LNPEP: variants seen among roughly 807,000 people sequenced by gnomAD.
LNPEP encodes the protein leucyl and cystinyl aminopeptidase.
A neutral mutation model predicts 120.6 loss-of-function variants in LNPEP; 64 were observed. The ratio of observed to expected loss-of-function variants is 0.53; its 90% CI spans 0.43 to 0.65. The LOEUF is 0.65. Among genes scored for constraint, LNPEP ranks in the 30% least tolerant of loss-of-function variants. LNPEP has a pLI of 0.00. For missense variants in LNPEP, 1,057 were observed against 1,200.0 expected (o/e 0.88, Z 1.76); for synonymous variants, 435 against 425.4 (o/e 1.02, Z -0.28).
intron 1 of LNPEP, among the ~76,000 whole-genome samples, chr5:96,940,813 G>A (rs1375293761): frequency 6.6e-6 from 1 of 152,188 alleles, no homozygotes; most frequent in African/African-American, 2.4e-5. Flanking sequence ...GTGCAGCTAT[G>A]TTTTGTCAAT....
At chr5:97,004,770 C>G (rs1231424301) in intron 9 of LNPEP, among the ~76,000 whole-genome samples, 1 of 152,170 alleles carries the variant, frequency 6.6e-6, no homozygotes, top group Non-Finnish European at 1.5e-5. Flanking sequence ...TCTGAATTCT[C>G]TTTGAGAACT....
chr5:96,939,767 T>G (rs1488991131), intron 1 of LNPEP, among the ~76,000 whole-genome samples: 2 of 152,134 alleles, frequency 1.3e-5, no homozygotes, highest in Non-Finnish European at 2.9e-5. Flanking sequence ...AAATGGGAAG[T>G]CTGGGCAACA....
At chr5:96,954,779 T>G (rs1275940981) in intron 1 of LNPEP, among the ~76,000 whole-genome samples, 1 of 74,416 alleles carries the variant, frequency 1.3e-5, no homozygotes, top group South Asian at 4.4e-4. Context: ...TATATTTTTT[T>G]TTTTTTTTTT....
chr5:97,022,044 G>C (rs1178272284), intron 13 of LNPEP, among the ~76,000 whole-genome samples: 1 of 142,424 alleles, frequency 7.0e-6, no homozygotes, highest in Non-Finnish European at 1.5e-5. Flanking sequence ...TGTTTCTCCT[G>C]CCTCAGCCTC....
At position 97,028,724 on chromosome 5, in the gene LNPEP, G is replaced by T. The variant is rs199519139; in HGVS notation, c.*191G>T. ...CTGAAGTGTCTTTGGGCAGTATGTA[G>T]TTATTTATTACAAAATTATATTCAC... On this transcript the variant is annotated 3_prime_UTR_variant, in exon 18 of 18. Coordinates refer to ENST00000231368, the MANE Select transcript of LNPEP (RefSeq NM_005575.3). The T allele has an allele frequency of 4.2e-5, 21 of 495,672 alleles. No individual in the cohort carries two copies. In the East Asian group the frequency reaches 7.7e-4, roughly 18 times the overall value. 30.7% of individuals were successfully genotyped at this position (495,672 alleles called of 1,614,324 possible).
At chr5:97,006,884 C>G (rs1790799560) in intron 11 of LNPEP, among the ~76,000 whole-genome samples, 1 of 152,122 alleles carries the variant, frequency 6.6e-6, no homozygotes, top group African/African-American at 2.4e-5. Context: ...AAGATACACC[C>G]TAAATGATTT....
rs1791584490 is a variant in LNPEP at position 97,037,106 on chromosome 5, G to A, written c.*8573G>A. The A allele has an allele frequency of 6.6e-6, 1 of 152,154 alleles. No homozygotes were observed. Among genetic ancestry groups the A allele is most frequent in the Non-Finnish European group, 1.5e-5 (1 of 68,032 alleles). 9.4% of individuals were successfully genotyped at this position (152,154 alleles called of 1,614,324 possible). Reference sequence around the variant, plus strand: ...GCATTAATCAACAAACTCACATTGAGACAAAACTTAGTTTTACAGCTGTCT... The same window carrying A: ...GCATTAATCAACAAACTCACATTGAAACAAAACTTAGTTTTACAGCTGTCT... On this transcript the variant is annotated 3_prime_UTR_variant, in exon 18 of 18. Transcript: ENST00000231368.
chr5:96,948,320 A>G (rs1478189739), intron 1 of LNPEP, among the ~76,000 whole-genome samples: 3 of 152,080 alleles, frequency 2.0e-5, no homozygotes, highest in African/African-American at 7.2e-5. Context: ...GTTACACCCT[A>G]TTGGCCTGGC....
intron 13 of LNPEP, among the ~76,000 whole-genome samples, chr5:97,016,567 A>G (rs1034051116): frequency 2.6e-5 from 4 of 152,178 alleles, no homozygotes; most frequent in African/African-American, 4.8e-5. Flanking sequence ...TGTAAAATCA[A>G]TTTGTGTCCT....
intron 2 of LNPEP, among the ~76,000 whole-genome samples, chr5:96,982,790 A>C (rs1582002544): frequency 1.3e-5 from 2 of 152,226 alleles, no homozygotes; most frequent in African/African-American, 4.8e-5. Context: ...ACAGAAAAAA[A>C]GCAAAAACAA....
Position 96,950,432 on chromosome 5 carries a change from A to G in LNPEP, c.19+14258A>G, listed in dbSNP as rs144271178. Among the ~76,000 whole-genome samples, 880 of 152,332 alleles carry G rather than the reference A, an allele frequency of 5.8e-3. 4 individuals carry two copies. The highest frequency in any genetic ancestry group is 9.6e-3 in the Non-Finnish European group (651 of 68,022). On this transcript the variant is annotated intron_variant, in intron 1 of 17. Transcript: ENST00000231368. ...CAATTAAATTCAACTTTTAAAAAGG[A>G]ATTTCCTAATATACCATAGAGTTGG...
chr5:97,003,361 A>C, intron 8 of LNPEP, 54 bp from the exon 9 acceptor site: 2 of 1,037,960 alleles, frequency 1.9e-6, no homozygotes, highest in Non-Finnish European at 2.7e-6. Context: ...CCAATTCGAT[A>C]ATCTATAGTA....
chr5:96,939,931 A>C (rs947774296), intron 1 of LNPEP, among the ~76,000 whole-genome samples: 1 of 151,980 alleles, frequency 6.6e-6, no homozygotes, highest in Non-Finnish European at 1.5e-5. Context: ...TTTTGTTTTT[A>C]TTTTTCTTTT....
chr5:96,959,504 G>T (rs1293535497), intron 1 of LNPEP, among the ~76,000 whole-genome samples: 1 of 152,072 alleles, frequency 6.6e-6, no homozygotes, highest in Admixed American at 6.5e-5. Context: ...GTGATCCTTG[G>T]TCAGTTTACC....
chr5:97,022,682 A>T (rs1791234654), intron 14 of LNPEP, among the ~76,000 whole-genome samples, 198 bp downstream of exon 14: 1 of 151,266 alleles, frequency 6.6e-6, no homozygotes, highest in Non-Finnish European at 1.5e-5. Context: ...ACATGTGCAC[A>T]ATGTGCAGGT....
rs75508897 is a variant in LNPEP at position 97,022,329 on chromosome 5, A to G, written c.2406A>G (p.Gln802=). 5.0e-4 allele frequency: 799 copies of G among 1,611,754 alleles called. 4 individuals carry two copies. In the East Asian group the frequency reaches 6.2e-3, roughly 13 times the overall value. The change falls in exon 14 of 18, where the codon CAA becomes CAG. Residue 802 remains glutamine (Q), a synonymous_variant. Coordinates refer to ENST00000231368, the MANE Select transcript of LNPEP (RefSeq NM_005575.3). ...GGGTATTTAAATTACTTCAAAACCA[A>G]ATTCAACAACAAACTTGGACTGATG... ...VTRVFKLLQN[Q]IQQQTWTDEG... is the part of the protein sequence containing the mutation.
intron 8 of LNPEP, among the ~76,000 whole-genome samples, chr5:97,002,194 G>A (rs145547226): frequency 1.1e-3 from 174 of 152,150 alleles, no homozygotes; most frequent in African/African-American, 3.9e-3. Flanking sequence ...TTAGAAGATG[G>A]CTCAAGAGAA....
At chr5:96,940,638 A>T (rs569103572) in intron 1 of LNPEP, among the ~76,000 whole-genome samples, 1 of 152,364 alleles carries the variant, frequency 6.6e-6, no homozygotes, top group Admixed American at 6.5e-5. Context: ...AACTGTTTGC[A>T]TGTCTACTAA....
At chr5:97,003,800 T>C (rs1467553362) in intron 9 of LNPEP, among the ~76,000 whole-genome samples, 1 of 151,942 alleles carries the variant, frequency 6.6e-6, no homozygotes, top group Non-Finnish European at 1.5e-5. Flanking sequence ...TTTTTTCCTG[T>C]ACCTTAACTT....
Sources: allele counts gnomAD v4.1 joint callset (sites outside exome capture counted in the v4.1 genomes callset), GRCh38; gene constraint gnomAD v4.1.1; transcripts MANE v1.5; gene names NCBI Gene and HGNC (gene_info 2026-07-23, HGNC 2026-07-21).